U2AF2: variants seen among roughly 807,000 people sequenced by gnomAD.
The protein encoded by U2AF2 is U2 small nuclear RNA auxiliary factor 2, also known as splicing factor U2AF 65 kDa subunit.
Under a neutral mutation model 52.6 loss-of-function variants are expected in U2AF2, and 6 were observed. The ratio of observed to expected loss-of-function variants is 0.11; its 90% confidence interval spans 0.06 to 0.23. The LOEUF is 0.23. Ranked by LOEUF, U2AF2 falls within the 10% of genes least tolerant of loss-of-function variation. The pLI is 1.00. For synonymous variants in U2AF2, 284 were observed against 258.2 expected, an observed-to-expected ratio of 1.10 and a Z score of -0.96; for missense variants, 222 against 677.1, an observed-to-expected ratio of 0.33 and a Z score of 7.46.
rs147666260 is a variant in U2AF2, at chr19:55,669,653, C to T, written c.1254C>T (p.Pro418=). The T allele has an allele frequency of 7.5e-3, 12,040 of 1,612,418 alleles. 73 individuals are homozygous for T. The highest frequency in any genetic ancestry group is 0.024 in the Middle Eastern group (125 of 5,214). ...GGCTTGTCAAGTCCATCGAGATCCC[C>T]CGGCCTGTGGACGGCGTCGAGGTGC... The part of the protein sequence containing the change: ...KYGLVKSIEI[P]RPVDGVEVPG... The change falls in exon 11 of 12, where the codon CCC becomes CCT. Residue 418 remains proline, a synonymous_variant. Transcript: ENST00000308924.
intron 4 of U2AF2, 67 bp from the exon 5 acceptor site, chr19:55,660,971 T>G: frequency 6.6e-7 from 1 of 1,507,362 alleles, no homozygotes; most frequent in Non-Finnish European, 8.9e-7. Flanking sequence ...ACTCCCAGTG[T>G]GTGGTGAGGG....
chr19:55,659,176 C>A, intron 1 of U2AF2, 34 bp from the exon 2 acceptor site: 2 of 1,512,812 alleles, frequency 1.3e-6, no homozygotes, highest in Non-Finnish European at 8.9e-7. Flanking sequence ...CCTTACTCCG[C>A]TTATCCCGTG....
intron 7 of U2AF2, among the ~76,000 whole-genome samples, chr19:55,668,000 G>T (rs1984654631): frequency 6.6e-6 from 1 of 152,088 alleles, no homozygotes. Flanking sequence ...GGACAGGATG[G>T]TCTTATCTCT....
Position 55,674,050 on chromosome 19 carries a change from C to A in U2AF2, c.1410C>A (p.His470Gln). 6.2e-7 allele frequency: 1 copy of A among 1,612,240 alleles called. No individual in the cohort carries two copies. Among genetic ancestry groups the A allele is most frequent in the Non-Finnish European group, 8.5e-7 (1 of 1,178,990 alleles). Residue 470 changes from histidine to glutamine, a missense_variant, in exon 12 of 12, where the codon CAC (histidine) becomes CAA (glutamine). His to Gln is a conservative substitution (Grantham distance 24). This residue lies in a region of U2AF2 where 71 missense variants were observed against 180.6 expected (regional missense o/e 0.39). Transcript: ENST00000308924. ...VTKYCDPDSYHRRDFW is the reference protein window; with the variant it reads ...VTKYCDPDSYQRRDFW Reference sequence around the variant, plus strand: ...AATACTGTGACCCCGACTCTTATCACCGCCGGGACTTCTGGTAGAGGCGGC... The same window carrying A: ...AATACTGTGACCCCGACTCTTATCAACGCCGGGACTTCTGGTAGAGGCGGC...
At position 55,659,336 on chromosome 19, in the gene U2AF2, G is replaced by A; in HGVS notation, c.176G>A (p.Arg59Gln). 3.9e-6 allele frequency: 6 copies of A among 1,538,430 alleles called. No individual in the cohort carries two copies. Among genetic ancestry groups the A allele is most frequent in the African/African-American group, 1.4e-5 (1 of 72,606 alleles). The change falls in exon 2 of 12, where the codon CGA becomes CAA. Residue 59 changes from arginine (R) to glutamine (Q), a missense_variant. This residue lies in a region of U2AF2 where 100 missense variants were observed against 144.1 expected (regional missense o/e 0.69). Coordinates refer to ENST00000308924, the MANE Select transcript of U2AF2 (RefSeq NM_007279.3). ...CAGCGGAGCGCCTCCCGGGACAGGC[G>A]ACGACGCAGGTACTAGGGCTCAGGG... ...RDQRSASRDR[R>Q]RRSKPLTRGA...
intron 11 of U2AF2, chr19:55,670,534 C>CGTGCACCCTGCTGTCGG (rs143152939): frequency 5.4e-6 from 1 of 184,296 alleles, no homozygotes; most frequent in Non-Finnish European, 1.0e-5. Flanking sequence ...CCTGCTGTCC[C>CGTGCACCCTGCTGTCGG]TGCACCCTGC....
chr19:55,670,945 G>A (rs557238813), intron 11 of U2AF2, among the ~76,000 whole-genome samples: 23 of 152,308 alleles, frequency 1.5e-4, no homozygotes, highest in African/African-American at 5.3e-4. Flanking sequence ...AGGGCTTGCC[G>A]GGAGCTGGCA....
rs1407282714 is a variant in U2AF2, at chr19:55,674,453, T to C, written c.*385T>C. On this transcript the variant is annotated 3_prime_UTR_variant, in exon 12 of 12. Coordinates refer to ENST00000308924, the MANE Select transcript of U2AF2 (RefSeq NM_007279.3). The stretch of plus-strand genomic sequence containing the variant: ...CCACGGTAGGAACATAGCGTGTTTA[T>C]ATTTTATGGCCAAACTATTTTGAAT... The C allele has an allele frequency of 5.6e-6, 1 of 176,994 alleles. No individual in the cohort carries two copies. The highest frequency in any genetic ancestry group is 1.2e-5 in the Non-Finnish European group (1 of 81,732). 11.0% of individuals were successfully genotyped at this position (176,994 alleles called of 1,614,324 possible).
Position 55,674,101 on chromosome 19 carries a change from C to T in U2AF2, c.*33C>T. 8.7e-7 allele frequency: 1 copy of T among 1,149,856 alleles called. No individual in the cohort carries two copies. The highest frequency in any genetic ancestry group is 1.2e-6 in the Non-Finnish European group (1 of 814,310). 71.2% of individuals were successfully genotyped at this position (1,149,856 alleles called of 1,614,324 possible). On this transcript the variant is annotated 3_prime_UTR_variant, in exon 12 of 12. Coordinates refer to ENST00000308924, the MANE Select transcript of U2AF2 (RefSeq NM_007279.3). ...TGGGGGAGGGTGGGGGCAGGGCTGGCTGGGGGCTTCTCCCCACTCCCGCCC... is the reference window on the plus strand; with the variant it reads ...TGGGGGAGGGTGGGGGCAGGGCTGGTTGGGGGCTTCTCCCCACTCCCGCCC...
At chr19:55,664,928 G>C (rs1477725073) in intron 7 of U2AF2, among the ~76,000 whole-genome samples, 1 of 152,252 alleles carries the variant, frequency 6.6e-6, no homozygotes, top group East Asian at 1.9e-4. Context: ...ATGTTGGTCA[G>C]GTTGGTCTCC....
At chr19:55,665,735 G>A (rs1052237404) in intron 7 of U2AF2, among the ~76,000 whole-genome samples, 5 of 151,442 alleles carry the variant, frequency 3.3e-5, no homozygotes, top group Admixed American at 1.3e-4. Context: ...TGCAACCTCC[G>A]CCTCCCAGGT....
chr19:55,659,106 G>T (rs1983987160), intron 1 of U2AF2, 104 bp from the exon 2 acceptor site: 2 of 1,368,626 alleles, frequency 1.5e-6, no homozygotes, highest in Non-Finnish European at 1.9e-6. Context: ...TCCCTTTGGG[G>T]GTGGCCTCCC....
At chr19:55,663,490 G>T in intron 6 of U2AF2, 116 bp from the exon 7 acceptor site, 1 of 1,471,142 alleles carries the variant, frequency 6.8e-7, no homozygotes. Context: ...CTGGGGCCTG[G>T]CATGTTGTAT....
chr19:55,671,376 G>A (rs1278629325), intron 11 of U2AF2: 2 of 70,906 alleles, frequency 2.8e-5, no homozygotes, highest in East Asian at 4.1e-4. Context: ...GGGGTGATGA[G>A]CACCTTGTCG....
At chr19:55,663,224 C>T (rs1325052986) in intron 6 of U2AF2, among the ~76,000 whole-genome samples, 1 of 152,176 alleles carries the variant, frequency 6.6e-6, no homozygotes, top group Non-Finnish European at 1.5e-5. Flanking sequence ...CACTGCAGTC[C>T]ACTTGCAGTT....
intron 7 of U2AF2, among the ~76,000 whole-genome samples, chr19:55,667,320 A>C (rs1362915989): frequency 6.6e-6 from 1 of 152,016 alleles, no homozygotes; most frequent in Non-Finnish European, 1.5e-5. Context: ...GGATGGGGCC[A>C]CTCACACTTG....
intron 1 of U2AF2, among the ~76,000 whole-genome samples, chr19:55,657,596 C>T (rs562346469): frequency 6.6e-6 from 1 of 151,956 alleles, no homozygotes; most frequent in African/African-American, 2.4e-5. Flanking sequence ...GAGCTGTGCC[C>T]AGTGCCGTGC....
intron 6 of U2AF2, among the ~76,000 whole-genome samples, chr19:55,663,291 T>C (rs1462430484): frequency 1.3e-5 from 2 of 152,188 alleles, no homozygotes; most frequent in African/African-American, 2.4e-5. Context: ...TCCAGTACTG[T>C]CATCTCCCCG....
At chr19:55,673,192 T>C (rs934952391) in intron 11 of U2AF2, among the ~76,000 whole-genome samples, 1 of 152,228 alleles carries the variant, frequency 6.6e-6, no homozygotes, top group African/African-American at 2.4e-5. Flanking sequence ...GTACTGGGAT[T>C]ACAGGCGTGA....
Sources: allele counts gnomAD v4.1 joint callset (sites outside exome capture counted in the v4.1 genomes callset), GRCh38; gene constraint gnomAD v4.1.1; regional missense constraint gnomAD v4.1.1; transcripts MANE v1.5; gene names NCBI Gene and HGNC (gene_info 2026-07-23, HGNC 2026-07-21).